Variants in NID1 observed in about 807,000 individuals in gnomAD.
NID1 encodes the protein nidogen-1.
In NID1, 76 loss-of-function variants were observed where a neutral mutation model predicts 130.6. The ratio of observed to expected loss-of-function variants is 0.58; its 90% CI spans 0.48 to 0.70. The LOEUF is 0.70. NID1 is among the 30% of genes least tolerant of loss of function. The pLI is 0.00. For synonymous variants in NID1, 665 were observed against 675.1 expected, an observed-to-expected ratio of 0.98 and a Z score of 0.23; for missense variants, 1,517 against 1,664.8, an observed-to-expected ratio of 0.91 and a Z score of 1.54.
intron 14 of NID1, among the ~76,000 whole-genome samples, chr1:235,987,294 A>C (rs976170470): frequency 2.6e-5 from 4 of 152,238 alleles, no homozygotes; most frequent in Admixed American, 2.0e-4. Flanking sequence ...TCTCTAAAGC[A>C]ACCACCTCAA....
In NID1 at chr1:235,979,113, A is replaced by C; in HGVS notation, c.3510-6T>G. ...CGAGAGCAACCACGGAATTCCTACA[A>C]AGCACCAAAGGGCAGAAGGTGAAAA... On this transcript the variant is annotated splice_region_variant and splice_polypyrimidine_tract_variant and intron_variant, in intron 18 of 19. Coordinates refer to ENST00000264187, the MANE Select transcript of NID1 (RefSeq NM_002508.3). This position sits in a 1 kb window ranked among gnomAD's most constrained non-coding sequence, Gnocchi z 4.6. 1 of 1,584,370 alleles carries C rather than the reference A, an allele frequency of 6.3e-7. No individual in the cohort carries two copies.
chr1:236,024,230 A>G lies in NID1; in HGVS notation c.1985-17T>C. ...GGGAGCCTTCTGTGAAGACAGAGAC[A>G]TTGGAACCAAGTGAGTCTTCAGGAG... On this transcript the variant is annotated splice_polypyrimidine_tract_variant and intron_variant, in intron 8 of 19. Coordinates refer to ENST00000264187, the MANE Select transcript of NID1 (RefSeq NM_002508.3). 6.2e-7 allele frequency: 1 copy of G among 1,613,754 alleles called. No individual in the cohort carries two copies. The highest frequency in any genetic ancestry group is 8.5e-7 in the Non-Finnish European group (1 of 1,179,794).
At chr1:236,009,377 A>G (rs780482101) in intron 12 of NID1, among the ~76,000 whole-genome samples, 2 of 152,168 alleles carry the variant, frequency 1.3e-5, no homozygotes, top group Non-Finnish European at 2.9e-5. Context: ...TATGAGAAAC[A>G]AGTTTCTGTT....
At chr1:236,064,817 C>T (rs1298178040) in intron 1 of NID1, 38 bp downstream of exon 1, 1 of 1,575,762 alleles carries the variant, frequency 6.3e-7, no homozygotes, top group Admixed American at 1.8e-5. Flanking sequence ...CCCGCCGCGC[C>T]CTGCAGCCCC....
At chr1:236,030,234 A>C (rs1659057065) in intron 6 of NID1, among the ~76,000 whole-genome samples, 1 of 152,236 alleles carries the variant, frequency 6.6e-6, no homozygotes, top group South Asian at 2.1e-4. Flanking sequence ...AACCATTCCC[A>C]GTACCAGAAA....
chr1:235,981,807 T>TC, intron 15 of NID1, 25 bp from the exon 16 acceptor site: 1 of 1,567,042 alleles, frequency 6.4e-7, no homozygotes, highest in Non-Finnish European at 8.6e-7. Context: ...AGAGCTCCTC[T>TC]AATTTTTTTT....
In NID1 at chr1:236,024,188, A is replaced by T; in HGVS notation, c.2010T>A (p.Asn670Lys). ...ACCCATGAGTGCCGATGTAGCAGGG[A>T]TTCTGAAGAGCATCAGGGGAGCCTT... ...VREGSPDALQ[N>K]PCYIGTHGCD... is the part of the protein sequence containing the mutation. The change falls in exon 9 of 20, where the codon AAT becomes AAA. Residue 670 changes from asparagine (N) to lysine (K), a missense_variant. Around this residue, in one of 3 missense-constraint regions of NID1, gnomAD observed 1,329 missense variants for 1,429.2 expected, o/e 0.93. Transcript: ENST00000264187. 6.2e-7 allele frequency: 1 copy of T among 1,614,264 alleles called. No homozygotes were observed. The highest frequency in any genetic ancestry group is 8.5e-7 in the Non-Finnish European group (1 of 1,180,048).
At chr1:235,997,476 CATTA>C (rs1394230034) in intron 12 of NID1, among the ~76,000 whole-genome samples, 25 of 151,780 alleles carry the variant, frequency 1.6e-4, no homozygotes, top group African/African-American at 6.0e-4. Flanking sequence ...CACATGTGTA[CATTA>C]ATTAATATAT....
rs1659460697 is a variant in NID1 at position 236,041,837 on chromosome 1, C to T, written c.1135+73G>A. The T allele has an allele frequency of 6.6e-6, 10 of 1,519,514 alleles. No homozygotes were observed. In the South Asian group the frequency reaches 1.3e-4, roughly 19 times the overall value. 94.1% of individuals were successfully genotyped at this position (1,519,514 alleles called of 1,614,324 possible). ...ACCATGTAATGCTCACAACTGACAT[C>T]TCCCCAGCAGTACGCCTGTCTGGAA... On this transcript the variant is annotated intron_variant, in intron 4 of 19. Coordinates refer to ENST00000264187, the MANE Select transcript of NID1 (RefSeq NM_002508.3).
At chr1:236,017,320 T>A in intron 9 of NID1, 47 bp from the exon 10 acceptor site, 1 of 1,600,384 alleles carries the variant, frequency 6.2e-7, no homozygotes. Flanking sequence ...TTAAAGCTCT[T>A]CAAACATTAC....
chr1:236,024,554 T>C (rs1324062497), intron 8 of NID1, among the ~76,000 whole-genome samples: 3 of 152,264 alleles, frequency 2.0e-5, no homozygotes, highest in Admixed American at 2.0e-4. Flanking sequence ...TCACCAAGAA[T>C]GCACTGACTC....
At chr1:236,053,463 C>T (rs981583587) in intron 1 of NID1, among the ~76,000 whole-genome samples, 4 of 152,134 alleles carry the variant, frequency 2.6e-5, no homozygotes, top group African/African-American at 9.7e-5. Flanking sequence ...CCGCCCAACC[C>T]CACCACCTCG....
At chr1:236,057,225 C>T (rs1414040903) in intron 1 of NID1, among the ~76,000 whole-genome samples, 1 of 152,098 alleles carries the variant, frequency 6.6e-6, no homozygotes, top group African/African-American at 2.4e-5. Flanking sequence ...TGCCACTGCA[C>T]TCCGGCCTGG....
At position 236,064,195 on chromosome 1, in the gene NID1, G is replaced by A. The variant is rs115494236; in HGVS notation, c.225+660C>T. On this transcript the variant is annotated intron_variant, in intron 1 of 19. Coordinates refer to ENST00000264187, the MANE Select transcript of NID1 (RefSeq NM_002508.3). The stretch of plus-strand genomic sequence containing the variant: ...GCCAGTCACGGGGAGGATCCAGGGA[G>A]CTGTAGGTCATCTGGTCCCGCTCCT... Among the ~76,000 whole-genome samples the A allele has an allele frequency of 8.5e-3, 1,292 of 152,298 alleles. 12 individuals are homozygous for A. Among genetic ancestry groups the A allele is most frequent in the African/African-American group, 0.03 (1,235 of 41,564 alleles).
At chr1:236,041,723 A>C (rs1659456722) in intron 4 of NID1, among the ~76,000 whole-genome samples, 187 bp downstream of exon 4, 3 of 152,202 alleles carry the variant, frequency 2.0e-5, no homozygotes. Context: ...ATCACTGAGC[A>C]TCTCTGAAGC....
At chr1:236,042,681 A>G in intron 3 of NID1, among the ~76,000 whole-genome samples, 1 of 152,216 alleles carries the variant, frequency 6.6e-6, no homozygotes, top group East Asian at 1.9e-4. Context: ...GCTCTCCACT[A>G]TCTCTTTCCA....
At chr1:236,042,442 G>T in intron 3 of NID1, 150 bp from the exon 4 acceptor site, 1 of 1,015,460 alleles carries the variant, frequency 9.8e-7, no homozygotes, top group African/African-American at 1.6e-5. Flanking sequence ...TGGCCGTCAT[G>T]TCTGGGCGTC....
In NID1 at chr1:235,990,902, G is replaced by A. The variant is rs1457143534; in HGVS notation, c.2912C>T (p.Ala971Val). ...AGCACTCACCGGGACATGAAGGAAC[G>A]CCTTTGCTTCTGTCTTCCTCATGGT... ...GNTMRKTEAKAFLHVPAKVII... is the reference protein window; with the variant it reads ...GNTMRKTEAKVFLHVPAKVII... The change falls in exon 14 of 20, where the codon GCG (alanine) becomes GTG (valine). Residue 971 changes from alanine to valine, a missense_variant. Physicochemically the swap from Ala to Val is moderately conservative, Grantham distance 64. Around this residue, in one of 3 missense-constraint regions of NID1, gnomAD observed 1,329 missense variants for 1,429.2 expected, o/e 0.93. Transcript: ENST00000264187. The A allele has an allele frequency of 1.1e-5, 18 of 1,613,952 alleles. No individual in the cohort carries two copies. Among genetic ancestry groups the A allele is most frequent in the African/African-American group, 8.0e-5 (6 of 74,896 alleles).
chr1:236,044,384 T>C (rs1378204117), intron 3 of NID1, among the ~76,000 whole-genome samples: 1 of 152,362 alleles, frequency 6.6e-6, no homozygotes, highest in Admixed American at 6.5e-5. Flanking sequence ...CTTTTGCTAC[T>C]GTCCATGCTC....
Sources: allele counts gnomAD v4.1 joint callset (sites outside exome capture counted in the v4.1 genomes callset), GRCh38; gene constraint gnomAD v4.1.1; regional missense constraint gnomAD v4.1.1; non-coding constraint Gnocchi (gnomAD v3.1); transcripts MANE v1.5; gene names NCBI Gene and HGNC (gene_info 2026-07-23, HGNC 2026-07-21).